Variants in PFKFB2 observed in about 807,000 individuals in gnomAD.
The protein encoded by PFKFB2 is 6-phosphofructo-2-kinase/fructose-2,6-biphosphatase 2.
A neutral mutation model predicts 68.0 loss-of-function variants in PFKFB2; 53 were observed. That is an observed-to-expected ratio of 0.78 (90% CI 0.63 to 0.98). The LOEUF (loss-of-function observed/expected upper bound fraction) is 0.98, where lower values mean the gene tolerates loss of function less well. PFKFB2 is among the 50% of genes least tolerant of loss of function. The pLI, the probability that PFKFB2 is intolerant of heterozygous loss-of-function variation, is 0.00. For synonymous variants in PFKFB2, 222 were observed against 227.6 expected (o/e 0.98, Z 0.22); for missense variants, 451 against 642.0 (o/e 0.70, Z 3.22).
rs2102277651 is a variant in PFKFB2, at chr1:207,070,078, A to G, written c.1093-202A>G. ...CTTAACCTGTAGTTTTCTTGGTCTA[A>G]ATATTGCTTTTGAAAGATCTGAGTT... On this transcript the variant is annotated intron_variant, in intron 11 of 14. Transcript: ENST00000367080. This position sits in a 1 kb window ranked among gnomAD's most constrained non-coding sequence, Gnocchi z 4.2. Among the ~76,000 whole-genome samples, 1 of 152,316 alleles carries G rather than the reference A, an allele frequency of 6.6e-6. No individual in the cohort carries two copies. The highest frequency in any genetic ancestry group is 3.4e-3 in the Middle Eastern group (1 of 294).
intron 1 of PFKFB2, chr1:207,035,261 C>G (rs766703063): frequency 1.1e-6 from 1 of 942,424 alleles, no homozygotes; most frequent in Non-Finnish European, 1.3e-6. Flanking sequence ...AGTACAACCT[C>G]CCCACTTAGG....
upstream of PFKFB2, chr1:207,048,276 T>C (rs1156476652): frequency 1.3e-5 from 2 of 152,780 alleles, no homozygotes; most frequent in Non-Finnish European, 2.9e-5. Context: ...ACGTTTTATA[T>C]GCTAGAGATC....
chr1:207,065,975 T>A (rs185684609), intron 8 of PFKFB2, among the ~76,000 whole-genome samples: 2 of 152,344 alleles, frequency 1.3e-5, no homozygotes, highest in Admixed American at 1.3e-4. Flanking sequence ...AAAGTTTATA[T>A]ATATTATATG....
chr1:207,061,315 A>G (rs573173324), intron 2 of PFKFB2, among the ~76,000 whole-genome samples: 1 of 149,496 alleles, frequency 6.7e-6, no homozygotes, highest in African/African-American at 2.5e-5. Flanking sequence ...ATGAGCTGTC[A>G]TGTCTGGCTG....
rs1572742341 is a variant in PFKFB2 at position 207,077,604 on chromosome 1, G to A, written c.*5233G>A. 1.0e-6 allele frequency: 1 copy of A among 985,764 alleles called. No individual in the cohort carries two copies. The highest frequency in any genetic ancestry group is 1.1e-4 in the East Asian group (1 of 8,820). The allele number at this position is 985,764 out of a possible 1,614,324, so 61.1% of individuals were successfully genotyped here. On this transcript the variant is annotated 3_prime_UTR_variant, in exon 15 of 15. Transcript: ENST00000367080. ...GAATGGGAATGGGTCAGATTGGGAA[G>A]CCTAGGAAGAGAGTTCTACTGTAGA...
rs1683458438 is a variant in PFKFB2, at chr1:207,071,268, G to A, written c.1285+18G>A. On this transcript the variant is annotated intron_variant, in intron 13 of 14. Transcript: ENST00000367080. Reference sequence around the variant, plus strand: ...GGCCTATGGTAACTATGCACATAGGGGCTGGCAGGAGCTGGGAATTGAGGA... The same window carrying A: ...GGCCTATGGTAACTATGCACATAGGAGCTGGCAGGAGCTGGGAATTGAGGA... 6.3e-7 allele frequency: 1 copy of A among 1,598,002 alleles called. No individual in the cohort carries two copies. The highest frequency in any genetic ancestry group is 8.6e-7 in the Non-Finnish European group (1 of 1,165,578).
At position 207,063,891 on chromosome 1, in the gene PFKFB2, G is replaced by A. The variant is rs1232516286; in HGVS notation, c.507+62G>A. On this transcript the variant is annotated intron_variant, in intron 7 of 14. Coordinates refer to ENST00000367080, the MANE Select transcript of PFKFB2 (RefSeq NM_006212.2). This position sits in a 1 kb window ranked among gnomAD's most constrained non-coding sequence, Gnocchi z 4.1. The stretch of plus-strand genomic sequence containing the variant: ...TTTTGTGCTGTGTGTGTTGTGGGGT[G>A]TGTGTGTGTGTGTGTGTGTGTGTGT... 119 of 774,312 alleles carry A rather than the reference G, an allele frequency of 1.5e-4. 1 individual carries two copies. In the East Asian group the frequency reaches 4.1e-3, roughly 26 times the overall value. The allele number at this position is 774,312 out of a possible 1,614,324, so 48.0% of individuals were successfully genotyped here. A position where few individuals can be genotyped will look rare whatever the true frequency, so the allele number is the denominator to read the frequency against.
In PFKFB2 at chr1:207,063,259, CCTGGCTACCCAGCCCCA is replaced by C. The variant is rs763984756; in HGVS notation, c.375+52_375+68del. ...TTTCTGGTCCCCACCCTTGCAGCAG[CCTGGCTACCCAGCCCCA>C]CCTTGAGTCTGCCCTGGTGGGGTTC... On this transcript the variant is annotated intron_variant, in intron 5 of 14. Transcript: ENST00000367080. This position sits in a 1 kb window ranked among gnomAD's most constrained non-coding sequence, Gnocchi z 4.1. 5.7e-6 allele frequency: 9 copies of C among 1,590,200 alleles called. No homozygotes were observed. The South Asian group carries it at 8.8e-5, about 16-fold the overall frequency.
chr1:207,038,232 T>C (rs933381522), intron 1 of PFKFB2, among the ~76,000 whole-genome samples: 3 of 152,366 alleles, frequency 2.0e-5, no homozygotes, highest in Admixed American at 2.0e-4. Context: ...GAATGTCTAT[T>C]GTAGATCCAG....
intron 2 of PFKFB2, among the ~76,000 whole-genome samples, chr1:207,057,418 C>T (rs1409157696): frequency 6.7e-6 from 1 of 148,850 alleles, no homozygotes; most frequent in African/African-American, 2.5e-5. Context: ...GCGGAGCTTG[C>T]AGTGAGCCGA....
chr1:207,075,942 G>A lies in PFKFB2; in HGVS notation c.*3571G>A. The A allele has an allele frequency of 2.0e-6, 2 of 985,200 alleles. No homozygotes were observed. The highest frequency in any genetic ancestry group is 2.4e-6 in the Non-Finnish European group (2 of 829,766). The allele number at this position is 985,200 out of a possible 1,614,324, so 61.0% of individuals were successfully genotyped here. On this transcript the variant is annotated 3_prime_UTR_variant, in exon 15 of 15. Transcript: ENST00000367080. ...GTATTGTTGTTTTGTTTTGGTAAAG[G>A]GATGATTTTTACATTGAGTTTTAAA...
chr1:207,040,175 T>C (rs888016873), intron 1 of PFKFB2, among the ~76,000 whole-genome samples: 1 of 152,228 alleles, frequency 6.6e-6, no homozygotes, highest in African/African-American at 2.4e-5. Flanking sequence ...TAATTTTGTC[T>C]ACATTTTGTA....
upstream of PFKFB2, chr1:207,049,497 T>C (rs758700075): frequency 6.2e-7 from 1 of 1,614,212 alleles, no homozygotes; most frequent in African/African-American, 1.3e-5. Flanking sequence ...GATCGCTTGC[T>C]ACAATTTGTG....
intron 12 of PFKFB2, 68 bp from the exon 13 acceptor site, chr1:207,071,120 T>C (rs1231602287): frequency 8.1e-7 from 1 of 1,241,112 alleles, no homozygotes; most frequent in East Asian, 2.3e-5. Flanking sequence ...GTAGATTCTT[T>C]CTTCCACTAA....
At chr1:207,041,477 A>G (rs1381996095) in intron 1 of PFKFB2, among the ~76,000 whole-genome samples, 1 of 152,144 alleles carries the variant, frequency 6.6e-6, no homozygotes, top group African/African-American at 2.4e-5. Flanking sequence ...GAGTGAGAAC[A>G]TGCAGTGTTT....
At chr1:207,035,682 AC>A (rs200927244) in intron 1 of PFKFB2, among the ~76,000 whole-genome samples, 33 of 148,264 alleles carry the variant, frequency 2.2e-4, no homozygotes, top group African/African-American at 8.8e-4. Flanking sequence ...AACAAAAAAA[AC>A]AAAAAAAGAA....
At chr1:207,067,102 G>A (rs776923370) in intron 8 of PFKFB2, among the ~76,000 whole-genome samples, 25 of 152,094 alleles carry the variant, frequency 1.6e-4, no homozygotes, top group Admixed American at 6.5e-4. Context: ...CCTTCCCCTC[G>A]TTGCTCGTCG....
rs1407010150 is a variant in PFKFB2 at position 207,062,713 on chromosome 1, G to C, written c.305G>C (p.Arg102Pro). 2.5e-6 allele frequency: 4 copies of C among 1,613,482 alleles called. No individual in the cohort carries two copies. The highest frequency in any genetic ancestry group is 2.2e-5 in the East Asian group (1 of 44,890). The change falls in exon 4 of 15, where the codon CGC becomes CCC. Residue 102 changes from arginine (R) to proline (P), a missense_variant. Arg to Pro is a moderately radical substitution (Grantham distance 103, BLOSUM62 -2). Coordinates refer to ENST00000367080, the MANE Select transcript of PFKFB2 (RefSeq NM_006212.2). ...RHDNEEAMKIRKQCALVALED... is the reference protein window; with the variant it reads ...RHDNEEAMKIPKQCALVALED... ...GACAATGAGGAGGCCATGAAGATCCGCAAGTGAGTCTTGTTTAAGGCCTGA... is the reference window on the plus strand; with the variant it reads ...GACAATGAGGAGGCCATGAAGATCCCCAAGTGAGTCTTGTTTAAGGCCTGA...
rs1471577175 is a variant in PFKFB2, at chr1:207,062,054, A to T, written c.187A>T (p.Asn63Tyr). Residue 63 changes from asparagine to tyrosine, a missense_variant, in exon 3 of 15, where the codon AAC (asparagine) becomes TAC (tyrosine). Asn to Tyr is a moderately radical substitution (Grantham distance 143, BLOSUM62 -2). Coordinates refer to ENST00000367080, the MANE Select transcript of PFKFB2 (RefSeq NM_006212.2). ...GTCCAAGAAACTAACACGCTACCTC[A>T]ACTGGATTGGAGTCCCCACCAAAGG... ...YVSKKLTRYLNWIGVPTKVFN... is the reference protein window; with the variant it reads ...YVSKKLTRYLYWIGVPTKVFN... 1 of 1,613,572 alleles carries T rather than the reference A, an allele frequency of 6.2e-7. No homozygotes were observed.
Sources: gnomAD v4.1 joint callset for allele counts (sites outside exome capture counted in the v4.1 genomes callset) on GRCh38, gnomAD v4.1.1 for gene constraint, Gnocchi (gnomAD v3.1) non-coding constraint, MANE v1.5 for transcripts, NCBI Gene and HGNC (gene_info 2026-07-23, HGNC 2026-07-21) for gene names.